The following TULP4 variants were observed in gnomAD, a reference collection of about 807,000 sequenced individuals.
TULP4 encodes TUB like protein 4.
In TULP4, 16 loss-of-function variants were observed where a neutral mutation model predicts 129.0. The ratio of observed to expected loss-of-function variants is 0.12; its 90% CI spans 0.08 to 0.19. The LOEUF (loss-of-function observed/expected upper bound fraction) is 0.19. Among genes scored for constraint, TULP4 ranks in the 10% least tolerant of loss-of-function variants. The probability of loss-of-function intolerance (pLI) is 1.00; values close to 1 mark genes in which losing one functional copy is unlikely to be tolerated. For missense variants in TULP4, 1,842 were observed against 2,059.1 expected (o/e 0.89, Z 2.04); for synonymous variants, 998 against 854.0 (o/e 1.17, Z -2.94).
chr6:158,480,569 C>T (rs1246266440), intron 7 of TULP4, among the ~76,000 whole-genome samples: 1 of 152,220 alleles, frequency 6.6e-6, no homozygotes, highest in Non-Finnish European at 1.5e-5. Flanking sequence ...AAGTGTGGGT[C>T]CCCCTAACCT....
upstream of TULP4, among the ~76,000 whole-genome samples, chr6:158,308,046 CAG>C (rs1183157458): frequency 4.1e-5 from 6 of 147,642 alleles, no homozygotes; most frequent in African/African-American, 1.3e-4. Flanking sequence ...GTGTTTCTCA[CAG>C]AGGGGGATTT....
At chr6:158,446,968 G>A (rs1190671598) in intron 3 of TULP4, among the ~76,000 whole-genome samples, 1 of 152,110 alleles carries the variant, frequency 6.6e-6, no homozygotes, top group Non-Finnish European at 1.5e-5. Context: ...AACATAAATT[G>A]GGGAGGCGGG....
At position 158,385,840 on chromosome 6, in the gene TULP4, A is replaced by ATTTTTTTTTTTTTTTTTT. The variant is rs1397821107; in HGVS notation, c.253-27224_253-27223insTTTTTTTTTTTTTTTTTT. Among the ~76,000 whole-genome samples the ATTTTTTTTTTTTTTTTTT allele has an allele frequency of 9.4e-4, 32 of 33,998 alleles. 1 individual carries two copies. Among genetic ancestry groups the ATTTTTTTTTTTTTTTTTT allele is most frequent in the Non-Finnish European group, 1.7e-3 (25 of 14,874 alleles). 22.3% of individuals were successfully genotyped at this position (33,998 alleles called of 152,430 possible). On this transcript the variant is annotated intron_variant, in intron 1 of 13. Coordinates refer to ENST00000367097, the MANE Select transcript of TULP4 (RefSeq NM_020245.5). ...CAGGAAAAGTCTACAAATGTGGAAT[A>ATTTTTTTTTTTTTTTTTT]TCTTTTTTTTTTTTTTTTTTTTGAG...
At chr6:158,430,581 A>G (rs959979764) in intron 3 of TULP4, among the ~76,000 whole-genome samples, 3 of 148,184 alleles carry the variant, frequency 2.0e-5, no homozygotes, top group Admixed American at 6.8e-5. Context: ...TGTCTCTACT[A>G]AAAAAAAAAT....
Position 158,362,594 on chromosome 6 carries a change from C to T in TULP4, c.252+48326C>T, listed in dbSNP as rs148418799. Among the ~76,000 whole-genome samples the T allele has an allele frequency of 1.8e-3, 275 of 152,296 alleles. 1 individual carries two copies. Among genetic ancestry groups the T allele is most frequent in the African/African-American group, 5.8e-3 (241 of 41,556 alleles). On this transcript the variant is annotated intron_variant, in intron 1 of 13. Coordinates refer to ENST00000367097, the MANE Select transcript of TULP4 (RefSeq NM_020245.5). The stretch of plus-strand genomic sequence containing the variant: ...GGAACTCCTGGCCTCAAGTGATCTT[C>T]CTGCATTGGACTCCCAAAGTGTTGA...
chr6:158,410,188 CTG>C (rs1778062749), intron 1 of TULP4, among the ~76,000 whole-genome samples: 7 of 152,216 alleles, frequency 4.6e-5, no homozygotes, highest in Admixed American at 4.6e-4. Flanking sequence ...GAAATTGAGT[CTG>C]TGAACATTTC....
Position 158,331,746 on chromosome 6 carries a change from TGTATATACACGTGTATATATACAC to T in TULP4, c.252+17486_252+17509del, listed in dbSNP as rs1562523271. 1.3e-3 allele frequency among the ~76,000 whole-genome samples: 24 copies of T among 18,576 alleles called. 10 individuals are homozygous for T. Among genetic ancestry groups the T allele is most frequent in the Non-Finnish European group, 2.1e-3 (10 of 4,740 alleles). The allele number at this position is 18,576 out of a possible 152,430, so 12.2% of individuals were successfully genotyped here. A position where few individuals can be genotyped will look rare whatever the true frequency, so the allele number is the denominator to read the frequency against. On this transcript the variant is annotated intron_variant, in intron 1 of 13. Coordinates refer to ENST00000367097, the MANE Select transcript of TULP4 (RefSeq NM_020245.5). ...ACACACACATACGTATATATATACGTGTATATACACGTGTATATATACACGTATATATACACACACACATACCTA... is the reference window on the plus strand; with the variant it reads ...ACACACACATACGTATATATATACGTGTATATATACACACACACATACCTA...
intron 8 of TULP4, among the ~76,000 whole-genome samples, chr6:158,488,219 G>A (rs1780115024): frequency 6.6e-6 from 1 of 152,128 alleles, no homozygotes; most frequent in South Asian, 2.1e-4. Context: ...TGTCTTACTG[G>A]GTTTCCTCAA....
intron 1 of TULP4, among the ~76,000 whole-genome samples, chr6:158,249,512 G>A (rs1453644213): frequency 2.6e-5 from 4 of 152,196 alleles, no homozygotes; most frequent in Non-Finnish European, 5.9e-5. Context: ...ATTAGGTAGT[G>A]TAGGATTGGG....
At chr6:158,468,531 A>G (rs933734662) in intron 6 of TULP4, among the ~76,000 whole-genome samples, 13 of 152,228 alleles carry the variant, frequency 8.5e-5, no homozygotes, top group African/African-American at 3.1e-4. Context: ...GCCACTGGCA[A>G]TCGTAACATA....
chr6:158,490,570 A>G (rs1343252891), intron 9 of TULP4, among the ~76,000 whole-genome samples: 1 of 152,196 alleles, frequency 6.6e-6, no homozygotes, highest in Non-Finnish European at 1.5e-5. Flanking sequence ...ACATCTGTCC[A>G]AATCGTAAAC....
chr6:158,252,100 A>C (rs1011864654), intron 1 of TULP4, among the ~76,000 whole-genome samples: 1 of 152,242 alleles, frequency 6.6e-6, no homozygotes, highest in East Asian at 1.9e-4. Flanking sequence ...TAGCAGATAG[A>C]GCATCTAGGC....
At chr6:158,414,658 A>G (rs1778168360) in intron 2 of TULP4, among the ~76,000 whole-genome samples, 1 of 152,152 alleles carries the variant, frequency 6.6e-6, no homozygotes, top group African/African-American at 2.4e-5. Flanking sequence ...AAGGTTCTAA[A>G]ATGCTGTCAT....
intron 1 of TULP4, among the ~76,000 whole-genome samples, chr6:158,339,454 C>T (rs1370977198): frequency 6.6e-6 from 1 of 152,156 alleles, no homozygotes; most frequent in African/African-American, 2.4e-5. Context: ...ATTCGCCAGG[C>T]TGGAATTTCC....
At position 158,413,400 on chromosome 6, in the gene TULP4, A is replaced by G. The variant is rs777443540; in HGVS notation, c.381+207A>G. On this transcript the variant is annotated intron_variant, in intron 2 of 13. Coordinates refer to ENST00000367097, the MANE Select transcript of TULP4 (RefSeq NM_020245.5). This position sits in a 1 kb window ranked among gnomAD's most constrained non-coding sequence, Gnocchi z 4.9. ...AGTACAGGATCATGCCCCCTTTTCA[A>G]CCATGCTGCTGTTGTGAGAACTCTC... is the stretch of plus-strand genomic sequence containing the variant. Among the ~76,000 whole-genome samples, 4 of 152,158 alleles carry G rather than the reference A, an allele frequency of 2.6e-5. No individual in the cohort carries two copies. Among genetic ancestry groups the G allele is most frequent in the Non-Finnish European group, 4.4e-5 (3 of 68,024 alleles).
chr6:158,374,734 A>G (rs1171050391), intron 1 of TULP4, among the ~76,000 whole-genome samples: 1 of 152,240 alleles, frequency 6.6e-6, no homozygotes, highest in African/African-American at 2.4e-5. Context: ...ACCAGCTGCC[A>G]TTAGAGAAGA....
At chr6:158,249,664 T>C (rs1778101825) in intron 1 of TULP4, among the ~76,000 whole-genome samples, 1 of 152,362 alleles carries the variant, frequency 6.6e-6, no homozygotes, top group South Asian at 2.1e-4. Flanking sequence ...GTCTGTGTTA[T>C]CAGTGGAGAG....
intron 6 of TULP4, among the ~76,000 whole-genome samples, chr6:158,477,242 A>G (rs1286548604): frequency 6.6e-6 from 1 of 152,230 alleles, no homozygotes; most frequent in Non-Finnish European, 1.5e-5. Context: ...TATAAAATAT[A>G]TCATCAACTG....
intron 1 of TULP4, among the ~76,000 whole-genome samples, chr6:158,252,314 T>C (rs1435634801): frequency 6.8e-6 from 1 of 147,140 alleles, no homozygotes; most frequent in Non-Finnish European, 1.5e-5. Context: ...TCCCATAGAA[T>C]GTTTTTTCTT....
Sources: gnomAD v4.1 joint callset for allele counts (sites outside exome capture counted in the v4.1 genomes callset) on GRCh38, gnomAD v4.1.1 for gene constraint, Gnocchi (gnomAD v3.1) non-coding constraint, MANE v1.5 for transcripts, NCBI Gene and HGNC (gene_info 2026-07-23, HGNC 2026-07-21) for gene names.